The following NPAS3 variants were observed in gnomAD, a reference collection of about 807,000 sequenced individuals.
The protein encoded by NPAS3 is neuronal PAS domain protein 3.
NPAS3 carries 14 observed loss-of-function variants against 73.1 expected under a neutral mutation model. The ratio of observed to expected loss-of-function variants is 0.19; its 90% CI spans 0.13 to 0.30. The LOEUF is 0.30. Ranked by LOEUF, NPAS3 falls within the 10% of genes least tolerant of loss-of-function variation. NPAS3 has a pLI of 1.00. For synonymous variants in NPAS3, 620 were observed against 541.5 expected (o/e 1.14, Z -2.01); for missense variants, 1,096 against 1,250.0 (o/e 0.88, Z 1.86).
chr14:33,058,139 A>G (rs925190246), intron 2 of NPAS3, among the ~76,000 whole-genome samples: 1 of 151,120 alleles, frequency 6.6e-6, no homozygotes, highest in African/African-American at 2.4e-5. Flanking sequence ...AAAAAAAAAC[A>G]TGGATAGTAT....
chr14:33,226,281 G>A (rs1421255467), intron 3 of NPAS3, among the ~76,000 whole-genome samples: 1 of 152,150 alleles, frequency 6.6e-6, no homozygotes, highest in Non-Finnish European at 1.5e-5. Context: ...TCATTTTGAC[G>A]TGGCTAATCA....
intron 5 of NPAS3, among the ~76,000 whole-genome samples, chr14:33,589,613 A>T (rs946579686): frequency 6.6e-6 from 1 of 152,184 alleles, no homozygotes; most frequent in African/African-American, 2.4e-5. Flanking sequence ...TCCAGATCCC[A>T]CATCTCATCG....
At chr14:33,160,612 C>T (rs1409375493) in intron 2 of NPAS3, among the ~76,000 whole-genome samples, 1 of 147,866 alleles carries the variant, frequency 6.8e-6, no homozygotes, top group African/African-American at 2.5e-5. Flanking sequence ...GCACGTTGTG[C>T]ACATGTACCC....
intron 3 of NPAS3, among the ~76,000 whole-genome samples, chr14:33,253,934 C>T (rs1424541218): frequency 1.3e-5 from 2 of 152,206 alleles, no homozygotes; most frequent in Admixed American, 1.3e-4. Flanking sequence ...CCCAGTTCTC[C>T]TCCCATGTTG....
At chr14:33,741,701 T>A (rs548646912) in intron 7 of NPAS3, among the ~76,000 whole-genome samples, 30 of 151,906 alleles carry the variant, frequency 2.0e-4, no homozygotes, top group East Asian at 9.6e-4. Flanking sequence ...TTTTACCAAC[T>A]AGAGGCATAA....
At chr14:33,098,638 A>C (rs2042492118) in intron 2 of NPAS3, among the ~76,000 whole-genome samples, 1 of 152,230 alleles carries the variant, frequency 6.6e-6, no homozygotes, top group Non-Finnish European at 1.5e-5. Context: ...GAATGCTACC[A>C]AAGTTCCGGT....
intron 4 of NPAS3, among the ~76,000 whole-genome samples, chr14:33,426,976 G>C (rs2048579215): frequency 6.6e-6 from 1 of 151,924 alleles, no homozygotes; most frequent in Non-Finnish European, 1.5e-5. Flanking sequence ...GACCTGTTTT[G>C]TTTTTCTTTA....
intron 2 of NPAS3, among the ~76,000 whole-genome samples, chr14:33,195,879 C>A (rs1486631278): frequency 3.9e-5 from 6 of 152,170 alleles, no homozygotes; most frequent in Non-Finnish European, 5.9e-5. Flanking sequence ...GGGGATCACA[C>A]ACCACTCTAA....
chr14:33,527,179 T>C (rs1270994974), intron 4 of NPAS3, among the ~76,000 whole-genome samples: 1 of 152,124 alleles, frequency 6.6e-6, no homozygotes, highest in Non-Finnish European at 1.5e-5. Flanking sequence ...CCTTATCCAC[T>C]CTCCGTCTTC....
intron 1 of NPAS3, among the ~76,000 whole-genome samples, chr14:33,048,553 C>T (rs943613987): frequency 1.3e-5 from 2 of 152,210 alleles, no homozygotes; most frequent in African/African-American, 4.8e-5. Flanking sequence ...TCCCCATTTG[C>T]CTGCTGTTCT....
chr14:33,561,204 C>A (rs916635516), intron 5 of NPAS3, among the ~76,000 whole-genome samples: 1 of 152,202 alleles, frequency 6.6e-6, no homozygotes, highest in African/African-American at 2.4e-5. Context: ...ACCCCAGACT[C>A]GTTGCTTCTG....
chr14:33,594,661 C>T (rs2057178921), intron 5 of NPAS3, among the ~76,000 whole-genome samples: 1 of 152,126 alleles, frequency 6.6e-6, no homozygotes, highest in Admixed American at 6.5e-5. Context: ...AGTTCTCAGC[C>T]CTGAGAAAAC....
At chr14:33,344,362 A>T (rs1478623331) in intron 3 of NPAS3, among the ~76,000 whole-genome samples, 1 of 152,202 alleles carries the variant, frequency 6.6e-6, no homozygotes, top group East Asian at 1.9e-4. Flanking sequence ...TTCTCTTTCA[A>T]CCCAGTGACA....
chr14:33,542,728 C>T (rs575845101), intron 4 of NPAS3, among the ~76,000 whole-genome samples: 1 of 152,272 alleles, frequency 6.6e-6, no homozygotes, highest in African/African-American at 2.4e-5. Context: ...GATCACTTGC[C>T]CCGTGTAAAC....
chr14:33,785,681 C>T (rs995679877), intron 9 of NPAS3, among the ~76,000 whole-genome samples: 1 of 152,042 alleles, frequency 6.6e-6, no homozygotes. Flanking sequence ...TAACATGCAA[C>T]AGTTTTCCCA....
chr14:33,740,485 T>G (rs2061629157), intron 7 of NPAS3, among the ~76,000 whole-genome samples: 1 of 152,210 alleles, frequency 6.6e-6, no homozygotes, highest in Admixed American at 6.5e-5. Flanking sequence ...CTTTCCGATA[T>G]ACCAATGAAA....
At chr14:33,307,478 CT>C (rs577062368) in intron 3 of NPAS3, among the ~76,000 whole-genome samples, 1 of 151,972 alleles carries the variant, frequency 6.6e-6, no homozygotes, top group Non-Finnish European at 1.5e-5. Flanking sequence ...GTGGAAAAAG[CT>C]TCAGGATGAG....
At chr14:33,255,335 GT>G (rs946259868) in intron 3 of NPAS3, among the ~76,000 whole-genome samples, 8 of 152,124 alleles carry the variant, frequency 5.3e-5, no homozygotes, top group Non-Finnish European at 1.2e-4. Flanking sequence ...GTCAGCATCT[GT>G]AAAACTATTC....
chr14:33,800,189 G>T lies in NPAS3; in HGVS notation c.1882G>T (p.Ala628Ser). 1 of 1,611,584 alleles carries T rather than the reference G, an allele frequency of 6.2e-7. No homozygotes were observed. Among genetic ancestry groups the T allele is most frequent in the South Asian group, 1.1e-5 (1 of 91,004 alleles). ...CGCGTCGAGCCCAGGCGGCCTGGAC[G>T]CGGGCCTGGTGGAGCCCCCGCGGCT... Residue 628 changes from alanine to serine, a missense_variant, in exon 12 of 12, where the codon GCG (alanine) becomes TCG (serine). Physicochemically the swap from Ala to Ser is moderately conservative, Grantham distance 99. This residue lies in a region of NPAS3 where 698 missense variants were observed against 676.7 expected (regional missense o/e 1.03). Coordinates refer to ENST00000356141, the Ensembl canonical transcript of NPAS3. The surrounding 1 kb of genome is among the most constrained non-coding windows in gnomAD (Gnocchi z 6.5).
Sources: allele counts gnomAD v4.1 joint callset (sites outside exome capture counted in the v4.1 genomes callset), GRCh38; gene constraint gnomAD v4.1.1; regional missense constraint gnomAD v4.1.1; non-coding constraint Gnocchi (gnomAD v3.1); transcripts MANE v1.5; gene names NCBI Gene and HGNC (gene_info 2026-07-23, HGNC 2026-07-21).